The following HERC6 variants were observed in gnomAD, a reference collection of about 807,000 sequenced individuals.
HERC6 encodes the protein probable E3 ubiquitin-protein ligase HERC6.
Under a neutral mutation model 114.5 loss-of-function variants are expected in HERC6, and 101 were observed. That is an observed-to-expected ratio of 0.88 (90% CI 0.75 to 1.04). The LOEUF is 1.04. HERC6 is among the 50% of genes least tolerant of loss of function. The pLI is 0.00. For synonymous variants in HERC6, 408 were observed against 436.2 expected, an observed-to-expected ratio of 0.94 and a Z score of 0.81; for missense variants, 1,133 against 1,230.9, an observed-to-expected ratio of 0.92 and a Z score of 1.19.
Position 88,431,281 on chromosome 4 carries a change from T to A in HERC6, c.2226T>A (p.Gly742=), listed in dbSNP as rs369304625. 1 of 1,603,716 alleles carries A rather than the reference T, an allele frequency of 6.2e-7. No individual in the cohort carries two copies. Among genetic ancestry groups the A allele is most frequent in the Admixed American group, 1.7e-5 (1 of 57,896 alleles). ...GAATGTTCATGTATCCTGAAATGGGTTCCTGCATGTGGTTTCCTGCCAAGG... is the reference window on the plus strand; with the variant it reads ...GAATGTTCATGTATCCTGAAATGGGATCCTGCATGTGGTTTCCTGCCAAGG... ...EYGMFMYPEM[G]SCMWFPAKPK... Residue 742 remains glycine, a synonymous_variant, in exon 17 of 23, where the codon GGT becomes GGA. Coordinates refer to ENST00000264346, the MANE Select transcript of HERC6 (RefSeq NM_017912.4).
chr4:88,408,658 T>C, intron 11 of HERC6, 41 bp downstream of exon 11: 1 of 1,287,178 alleles, frequency 7.8e-7, no homozygotes, highest in Non-Finnish European at 1.1e-6. Context: ...ACAAATACGA[T>C]TGCAGTTTAT....
chr4:88,382,564 C>T (rs375593967), intron 1 of HERC6, among the ~76,000 whole-genome samples: 10 of 152,104 alleles, frequency 6.6e-5, no homozygotes, highest in African/African-American at 2.4e-4. Context: ...TGTCATAGTC[C>T]CTAGAAGTTA....
intron 13 of HERC6, among the ~76,000 whole-genome samples, chr4:88,417,925 G>T (rs933123379): frequency 4.0e-5 from 6 of 148,306 alleles, no homozygotes; most frequent in Admixed American, 2.0e-4. Context: ...CAGCCTGGGT[G>T]ACAGAGCAAA....
rs574336382 is a variant in HERC6, at chr4:88,437,073, T to A, written c.2484+102T>A. 6.3e-6 allele frequency: 5 copies of A among 793,208 alleles called. No individual in the cohort carries two copies. The East Asian group carries it at 1.5e-4, about 24-fold the overall frequency. 49.1% of individuals were successfully genotyped at this position (793,208 alleles called of 1,614,324 possible). The stretch of plus-strand genomic sequence containing the variant: ...AATTTGGGATCCCTTTTTTTTTTTA[T>A]TGAGGCAGAGTCTCACTCTGTCACC... On this transcript the variant is annotated intron_variant, in intron 19 of 22. Transcript: ENST00000264346.
intron 3 of HERC6, among the ~76,000 whole-genome samples, chr4:88,389,959 C>G (rs1734805645): frequency 6.6e-6 from 1 of 151,908 alleles, no homozygotes; most frequent in African/African-American, 2.4e-5. Context: ...GGTGGATCAC[C>G]TGAGGTCAGG....
At chr4:88,403,179 A>G (rs982087227) in intron 8 of HERC6, among the ~76,000 whole-genome samples, 11 of 152,126 alleles carry the variant, frequency 7.2e-5, no homozygotes, top group Admixed American at 1.3e-4. Context: ...TCAAAGTGTG[A>G]TCTCCAAACC....
intron 15 of HERC6, among the ~76,000 whole-genome samples, chr4:88,425,179 A>G (rs2148960740): frequency 6.6e-6 from 1 of 152,320 alleles, no homozygotes; most frequent in South Asian, 2.1e-4. Context: ...TCACATAGGA[A>G]GGTAGAATAA....
chr4:88,404,361 G>A (rs760843399), intron 8 of HERC6, among the ~76,000 whole-genome samples: 1 of 151,662 alleles, frequency 6.6e-6, no homozygotes, highest in Non-Finnish European at 1.5e-5. Context: ...CTAATTTTTT[G>A]TATTTTTAGT....
At position 88,437,794 on chromosome 4, in the gene HERC6, A is replaced by G; in HGVS notation, c.2555+13A>G. On this transcript the variant is annotated intron_variant, in intron 20 of 22. Coordinates refer to ENST00000264346, the MANE Select transcript of HERC6 (RefSeq NM_017912.4). Reference sequence around the variant, plus strand: ...ACCAAACCAACAAGTAAGTTTTGACAGCTAGAATATCTGTTTTGAATATAC... The same window carrying G: ...ACCAAACCAACAAGTAAGTTTTGACGGCTAGAATATCTGTTTTGAATATAC... 1 of 1,548,882 alleles carries G rather than the reference A, an allele frequency of 6.5e-7. No individual in the cohort carries two copies. Among genetic ancestry groups the G allele is most frequent in the Non-Finnish European group, 8.9e-7 (1 of 1,125,436 alleles).
At chr4:88,432,719 ACT>A (rs1738359141) in intron 17 of HERC6, among the ~76,000 whole-genome samples, 1 of 151,718 alleles carries the variant, frequency 6.6e-6, no homozygotes, top group South Asian at 2.1e-4. Flanking sequence ...ACAGAGTGAT[ACT>A]CTGTTTCAAA....
Position 88,396,080 on chromosome 4 carries a change from G to C in HERC6, c.825G>C (p.Glu275Asp), listed in dbSNP as rs771212161. Residue 275 changes from glutamate (E) to aspartate (D), a missense_variant, in exon 6 of 23, where the codon GAG (glutamate) becomes GAC (aspartate). Coordinates refer to ENST00000264346, the MANE Select transcript of HERC6 (RefSeq NM_017912.4). ...SGQLGYSPTP[E>D]KRGPQLVERI... ...AGCTGGGATACAGCCCCACTCCTGA[G>C]AAGAGAGGTCCACAACTTGTGGAAA... The C allele has an allele frequency of 2.0e-5, 32 of 1,609,128 alleles. No individual in the cohort carries two copies. The highest frequency in any genetic ancestry group is 2.5e-5 in the Non-Finnish European group (29 of 1,177,676).
rs369515864 is a variant in HERC6 at position 88,440,236 on chromosome 4, A to G, written c.2828A>G (p.Lys943Arg). 3.2e-6 allele frequency: 5 copies of G among 1,581,272 alleles called. No individual in the cohort carries two copies. In the African/African-American group the frequency reaches 6.7e-5, roughly 21 times the overall value. ...TTCCACAAACTAACCTTGGATGAAA[A>G]GAAAAAATTCCTCTGTAAGTACTGT... ...KAFHKLTLDE[K>R]KKFLFFLTGR... The change falls in exon 22 of 23, where the codon AAG becomes AGG. Residue 943 changes from lysine to arginine, a missense_variant. This residue lies in a region of HERC6 where 388 missense variants were observed against 445.9 expected (regional missense o/e 0.87). Transcript: ENST00000264346.
intron 1 of HERC6, among the ~76,000 whole-genome samples, chr4:88,382,714 T>A (rs535128685): frequency 6.6e-6 from 1 of 152,280 alleles, no homozygotes; most frequent in East Asian, 1.9e-4. Flanking sequence ...TGGGCTCCAC[T>A]AAGGGAGGTG....
intron 8 of HERC6, among the ~76,000 whole-genome samples, chr4:88,402,687 A>G (rs1158725953): frequency 6.6e-6 from 1 of 152,184 alleles, no homozygotes; most frequent in Admixed American, 6.6e-5. Flanking sequence ...GCTTTCAATG[A>G]ATGAAGGGGA....
At chr4:88,413,358 T>G (rs1736242569) in intron 12 of HERC6, 92 bp downstream of exon 12, 1 of 829,236 alleles carries the variant, frequency 1.2e-6, no homozygotes, top group Non-Finnish European at 1.9e-6. Flanking sequence ...GATTTCAAAA[T>G]AGACAAGTAT....
intron 11 of HERC6, among the ~76,000 whole-genome samples, chr4:88,411,188 G>C (rs1402722389): frequency 1.3e-5 from 2 of 152,110 alleles, no homozygotes; most frequent in Admixed American, 6.6e-5. Flanking sequence ...TTTCTTAAAT[G>C]AATTTAGGTG....
chr4:88,415,585 G>A (rs1184397439), intron 12 of HERC6, among the ~76,000 whole-genome samples: 1 of 152,142 alleles, frequency 6.6e-6, no homozygotes, highest in Non-Finnish European at 1.5e-5. Context: ...ATATCGGTCT[G>A]CATACTTTCC....
chr4:88,397,629 G>A (rs1450990330), intron 7 of HERC6, among the ~76,000 whole-genome samples: 2 of 151,826 alleles, frequency 1.3e-5, no homozygotes, highest in Admixed American at 6.6e-5. Flanking sequence ...CCAAGGAGGT[G>A]GAGGTTGCAG....
rs763196402 is a variant in HERC6, at chr4:88,435,705, AT to A, written c.2251-13del. On this transcript the variant is annotated intron_variant, in intron 17 of 22. Transcript: ENST00000264346. The stretch of plus-strand genomic sequence containing the variant: ...ACTAATTATTTATAATACCTTAGGG[AT>A]TTTTTTCTTCTTTTCTAGCCTAAAC... 7.0e-6 allele frequency: 10 copies of A among 1,431,036 alleles called. No individual in the cohort carries two copies. The highest frequency in any genetic ancestry group is 9.2e-6 in the Non-Finnish European group (10 of 1,082,180). The allele number at this position is 1,431,036 out of a possible 1,614,324, so 88.6% of individuals were successfully genotyped here.
Sources: gnomAD v4.1 joint callset for allele counts (sites outside exome capture counted in the v4.1 genomes callset) on GRCh38, gnomAD v4.1.1 for gene constraint, gnomAD v4.1.1 regional missense constraint, MANE v1.5 for transcripts, NCBI Gene and HGNC (gene_info 2026-07-23, HGNC 2026-07-21) for gene names.